The following CLCN5 variants were observed in gnomAD, a reference collection of about 807,000 sequenced individuals.
The protein encoded by CLCN5 is H(+)/Cl(-) exchange transporter 5.
In CLCN5, 17 loss-of-function variants were observed where a neutral mutation model predicts 54.0. That is an observed-to-expected ratio of 0.31 (90% confidence interval 0.22 to 0.47). CLCN5 has a LOEUF of 0.47. Among genes scored for constraint, CLCN5 ranks in the 20% least tolerant of loss-of-function variants. The pLI is 1.00. For synonymous variants in CLCN5, 222 were observed against 233.0 expected, an observed-to-expected ratio of 0.95 and a Z score of 0.43; for missense variants, 448 against 646.7, an observed-to-expected ratio of 0.69 and a Z score of 3.33.
intron 3 of CLCN5, among the ~76,000 whole-genome samples, chrX:50,035,419 C>G (rs1931947272): frequency 9.0e-6 from 1 of 111,541 alleles, no homozygotes; most frequent in Non-Finnish European, 1.9e-5. Context: ...TATTGAACAC[C>G]TACTCTGAGA....
At position 49,936,345 on chromosome X, in the gene CLCN5, C is replaced by T. The variant is rs535772880; in HGVS notation, c.16+11031C>T. Reference sequence around the variant, plus strand: ...TATATCACACCATTTTGTGGCACTCCTGGTGTTAGAGATAATTATGGGTAG... The same window carrying T: ...TATATCACACCATTTTGTGGCACTCTTGGTGTTAGAGATAATTATGGGTAG... On this transcript the variant is annotated intron_variant, in intron 3 of 14. Coordinates refer to ENST00000376091, the MANE Select transcript of CLCN5 (RefSeq NM_001127898.4). Among the ~76,000 whole-genome samples, 4 of 111,868 alleles carry T rather than the reference C, an allele frequency of 3.6e-5. No homozygotes were observed. In the South Asian group the frequency reaches 1.1e-3, roughly 31 times the overall value.
At chrX:50,059,897 A>T in intron 4 of CLCN5, among the ~76,000 whole-genome samples, 1 of 107,597 alleles carries the variant, frequency 9.3e-6, no homozygotes, top group Non-Finnish European at 1.9e-5. Context: ...GTACCAAAAA[A>T]GATAGTATCT....
At chrX:50,059,767 T>TA (rs1290384041) in intron 4 of CLCN5, among the ~76,000 whole-genome samples, 7 of 101,222 alleles carry the variant, frequency 6.9e-5, no homozygotes, top group Non-Finnish European at 1.4e-4. Flanking sequence ...GTACATGGAA[T>TA]AAAAAAAAAA....
At chrX:49,945,837 A>G (rs1201567534) in intron 3 of CLCN5, among the ~76,000 whole-genome samples, 3 of 107,045 alleles carry the variant, frequency 2.8e-5, no homozygotes, top group Middle Eastern at 9.8e-3. Flanking sequence ...ACTTACTGCA[A>G]CCTCCGCCTC....
intron 3 of CLCN5, among the ~76,000 whole-genome samples, chrX:50,019,466 T>C (rs782499878): frequency 6.6e-5 from 6 of 90,464 alleles, no homozygotes; most frequent in Non-Finnish European, 1.3e-4. Flanking sequence ...CTTTTTTTTT[T>C]TCTTTTTTTT....
In CLCN5 at chrX:50,069,862, T is replaced by C; in HGVS notation, c.164-17T>C. 8.4e-7 allele frequency: 1 copy of C among 1,188,641 alleles called. No individual in the cohort carries two copies. Among genetic ancestry groups the C allele is most frequent in the Non-Finnish European group, 1.1e-6 (1 of 884,230 alleles). On this transcript the variant is annotated splice_polypyrimidine_tract_variant and intron_variant, in intron 4 of 14. Coordinates refer to ENST00000376091, the MANE Select transcript of CLCN5 (RefSeq NM_001127898.4). ...AGAATTTCTGAAGTACTAATGTCTA[T>C]TTCTTGTTCAATACAGAGGACAAGT...
intron 7 of CLCN5, among the ~76,000 whole-genome samples, chrX:50,076,904 G>A (rs781790316): frequency 5.4e-5 from 6 of 111,121 alleles, no homozygotes; most frequent in Non-Finnish European, 1.1e-4. Context: ...TTACCACTCA[G>A]TTATATGTTT....
intron 7 of CLCN5, among the ~76,000 whole-genome samples, chrX:50,076,185 T>C: frequency 8.9e-6 from 1 of 112,208 alleles, no homozygotes; most frequent in East Asian, 2.8e-4. Context: ...TTGACGCTTA[T>C]GTTTAAAATG....
intron 4 of CLCN5, among the ~76,000 whole-genome samples, chrX:50,056,847 G>GT (rs1602094777): frequency 1.8e-5 from 2 of 111,815 alleles, no homozygotes; most frequent in African/African-American, 6.5e-5. Context: ...CAACCTTCCT[G>GT]TTTTTTTCTC....
chrX:50,026,449 A>C (rs1931393313), intron 3 of CLCN5, among the ~76,000 whole-genome samples: 2 of 111,617 alleles, frequency 1.8e-5, no homozygotes, highest in Admixed American at 1.9e-4. Context: ...TGTATCTGTC[A>C]ATTACTAATA....
chrX:50,092,111 A>G lies in CLCN5; in HGVS notation c.2361-18A>G, dbSNP rs372830719. On this transcript the variant is annotated intron_variant, in intron 14 of 14. Transcript: ENST00000376091. The stretch of plus-strand genomic sequence containing the variant: ...TACAGATTTATTTTTGTTTTTTTGT[A>G]TTGTGTTTGTCTTTTAGGCGATTGC... 948 of 1,152,085 alleles carry G rather than the reference A, an allele frequency of 8.2e-4. 1 individual carries two copies. The highest frequency in any genetic ancestry group is 1.1e-3 in the Non-Finnish European group (891 of 842,867). 94.9% of individuals were successfully genotyped at this position (1,152,085 alleles called of 1,213,427 possible). A position where few individuals can be genotyped will look rare whatever the true frequency, so the allele number is the denominator to read the frequency against.
At chrX:50,088,619 G>A (rs1557194321) in intron 11 of CLCN5, 79 bp from the exon 12 acceptor site, 1 of 937,319 alleles carries the variant, frequency 1.1e-6, no homozygotes, top group African/African-American at 2.0e-5. Flanking sequence ...GCTTTGCAGA[G>A]GGTCAGTCCT....
intron 3 of CLCN5, among the ~76,000 whole-genome samples, chrX:49,942,794 C>T (rs1237242509): frequency 1.0e-4 from 11 of 110,142 alleles, no homozygotes; most frequent in Non-Finnish European, 1.7e-4. Flanking sequence ...TTTCTTAATC[C>T]GGTCTATCAT....
At position 50,093,864 on chromosome X, in the gene CLCN5, C is replaced by T. The variant is rs1247343577; in HGVS notation, c.*1645C>T. 2 of 111,885 alleles carry T rather than the reference C, an allele frequency of 1.8e-5. No individual in the cohort carries two copies. The highest frequency in any genetic ancestry group is 6.5e-5 in the African/African-American group (2 of 30,725). 9.2% of individuals were successfully genotyped at this position (111,885 alleles called of 1,213,427 possible). A position where few individuals can be genotyped will look rare whatever the true frequency, so the allele number is the denominator to read the frequency against. On this transcript the variant is annotated 3_prime_UTR_variant, in exon 15 of 15. Transcript: ENST00000376091. Reference sequence around the variant, plus strand: ...ACAGCCATTTCCTTTGCCATGTGGCCCAGTTGCTGCTGCCATGCCTCCATT... The same window carrying T: ...ACAGCCATTTCCTTTGCCATGTGGCTCAGTTGCTGCTGCCATGCCTCCATT...
In CLCN5 at chrX:50,080,697, G is replaced by A; in HGVS notation, c.707G>A (p.Cys236Tyr). Residue 236 changes from cysteine to tyrosine, a missense_variant, in exon 8 of 15, where the codon TGT becomes TAT. Transcript: ENST00000376091. ...GTCAAGGTGTTTGCGCCTTATGCCT[G>A]TGGCTCTGGAATCCCTGAGGTGAGT... ...SLVKVFAPYA[C>Y]GSGIPEIKTI... 8.3e-7 allele frequency: 1 copy of A among 1,205,603 alleles called. No individual in the cohort carries two copies. Among genetic ancestry groups the A allele is most frequent in the South Asian group, 1.8e-5 (1 of 56,815 alleles).
At chrX:49,992,207 TC>T (rs1929296616) in intron 3 of CLCN5, among the ~76,000 whole-genome samples, 1 of 107,292 alleles carries the variant, frequency 9.3e-6, no homozygotes, top group Non-Finnish European at 1.9e-5. Context: ...TCTCTTTTTT[TC>T]TTTTTTTTTT....
At position 50,097,914 on chromosome X, in the gene CLCN5, A is replaced by G. The variant is rs1389488486; in HGVS notation, c.*5695A>G. The G allele has an allele frequency of 3.6e-5, 4 of 112,452 alleles. No homozygotes were observed. Among genetic ancestry groups the G allele is most frequent in the Non-Finnish European group, 7.5e-5 (4 of 53,253 alleles). 9.3% of individuals were successfully genotyped at this position (112,452 alleles called of 1,213,427 possible). A position where few individuals can be genotyped will look rare whatever the true frequency, so the allele number is the denominator to read the frequency against. ...ATCTGTTGGAATTCAGGGGCAGTCT[A>G]AGATTTGGTGAGTGAAATGCCATCT... On this transcript the variant is annotated 3_prime_UTR_variant, in exon 15 of 15. Coordinates refer to ENST00000376091, the MANE Select transcript of CLCN5 (RefSeq NM_001127898.4).
At position 50,093,712 on chromosome X, in the gene CLCN5, CCT is replaced by C. The variant is rs781909265; in HGVS notation, c.*1496_*1497del. The C allele has an allele frequency of 2.7e-5, 3 of 111,712 alleles. No homozygotes were observed. Among genetic ancestry groups the C allele is most frequent in the Non-Finnish European group, 5.6e-5 (3 of 53,143 alleles). The allele number at this position is 111,712 out of a possible 1,213,427, so 9.2% of individuals were successfully genotyped here. On this transcript the variant is annotated 3_prime_UTR_variant, in exon 15 of 15. Transcript: ENST00000376091. Reference sequence around the variant, plus strand: ...CACTTCTTACTCCTTAGTACCAAATCCTCTGTTTGGGATTGAGCGCTGCTCCT... The same window carrying C: ...CACTTCTTACTCCTTAGTACCAAATCCTGTTTGGGATTGAGCGCTGCTCCT...
intron 4 of CLCN5, among the ~76,000 whole-genome samples, chrX:50,058,484 GAA>G: frequency 9.2e-6 from 1 of 108,352 alleles, no homozygotes; most frequent in East Asian, 2.9e-4. Flanking sequence ...GTGATTTTTA[GAA>G]AAAAAAATTA....
Sources: allele counts gnomAD v4.1 joint callset (sites outside exome capture counted in the v4.1 genomes callset), GRCh38; gene constraint gnomAD v4.1.1; transcripts MANE v1.5; gene names NCBI Gene and HGNC (gene_info 2026-07-23, HGNC 2026-07-21).